The following ZNF268 variants were observed in gnomAD, a reference collection of about 807,000 sequenced individuals.
ZNF268 encodes zinc finger protein 3.
ZNF268 carries 20 observed loss-of-function variants against 29.3 expected under a neutral mutation model. The ratio of observed to expected loss-of-function variants is 0.68; its 90% CI spans 0.48 to 0.99. ZNF268 has a LOEUF of 0.99. Among genes scored for constraint, ZNF268 ranks in the 50% least tolerant of loss-of-function variants. The pLI is 0.00. For missense variants in ZNF268, 1,240 were observed against 1,121.6 expected (o/e 1.11, Z -1.51); for synonymous variants, 429 against 376.9 (o/e 1.14, Z -1.60).
chr12:133,190,775 T>TTTTTTCTTAGC (rs1390062030), intron 3 of ZNF268, among the ~76,000 whole-genome samples: 4 of 152,222 alleles, frequency 2.6e-5, no homozygotes, highest in Non-Finnish European at 5.9e-5. Flanking sequence ...ATCTGTGTTC[T>TTTTTTCTTAGC]TTTTTCTTAG....
rs1367303697 is a variant in ZNF268, at chr12:133,210,735, G to A, written c.*6205G>A. On this transcript the variant is annotated 3_prime_UTR_variant, in exon 6 of 6. Transcript: ENST00000536435. ...GTCCCCAGGTCAGTCCTGAGGAGAA[G>A]GCAGCTCAGTCTTTACTGTGATGCA... The A allele has an allele frequency of 4.6e-6, 2 of 432,690 alleles. No homozygotes were observed. The highest frequency in any genetic ancestry group is 2.4e-5 in the Admixed American group (1 of 41,448). 26.8% of individuals were successfully genotyped at this position (432,690 alleles called of 1,614,324 possible). A position where few individuals can be genotyped will look rare whatever the true frequency, so the allele number is the denominator to read the frequency against.
rs1313380888 is a variant in ZNF268, at chr12:133,214,127, T to C, written c.*9597T>C. 1 of 152,138 alleles carries C rather than the reference T, an allele frequency of 6.6e-6. No homozygotes were observed. The highest frequency in any genetic ancestry group is 1.5e-5 in the Non-Finnish European group (1 of 68,040). The allele number at this position is 152,138 out of a possible 1,614,324, so 9.4% of individuals were successfully genotyped here. A position where few individuals can be genotyped will look rare whatever the true frequency, so the allele number is the denominator to read the frequency against. ...CCCAATATCAAAATGGGCAGAGGAC[T>C]TGAAGAGACTTTTCTGTAAAGAAGA... On this transcript the variant is annotated 3_prime_UTR_variant, in exon 6 of 6. Coordinates refer to ENST00000536435, the MANE Select transcript of ZNF268 (RefSeq NM_003415.3).
Position 133,204,346 on chromosome 12 carries a change from C to T in ZNF268, c.2660C>T (p.Ser887Leu). ...CTCATTGTACATCAAAGAACTCATT[C>T]AGGAGAGAAACCCTATGGGTGCAAT... ...SQLIVHQRTH[S>L]GEKPYGCNEC... Residue 887 changes from serine (S) to leucine (L), a missense_variant, in exon 6 of 6, where the codon TCA (serine) becomes TTA (leucine). By Grantham distance (145) the Ser-to-Leu change is moderately radical. Transcript: ENST00000536435. 6.4e-7 allele frequency: 1 copy of T among 1,569,612 alleles called. No individual in the cohort carries two copies. The highest frequency in any genetic ancestry group is 8.6e-7 in the Non-Finnish European group (1 of 1,161,240).
chr12:133,212,554 C>CAT lies in ZNF268; in HGVS notation c.*8032_*8033dup, dbSNP rs956843717. 6 of 147,424 alleles carry CAT rather than the reference C, an allele frequency of 4.1e-5. No individual in the cohort carries two copies. The highest frequency in any genetic ancestry group is 2.0e-4 in the East Asian group (1 of 5,084). The allele number at this position is 147,424 out of a possible 1,614,324, so 9.1% of individuals were successfully genotyped here. A position where few individuals can be genotyped will look rare whatever the true frequency, so the allele number is the denominator to read the frequency against. ...ATACACATATATATACACATATACA[C>CAT]ATATATATACACATATATATAATAA... On this transcript the variant is annotated 3_prime_UTR_variant, in exon 6 of 6. Transcript: ENST00000536435.
chr12:133,198,386 T>G (rs1448460331), intron 5 of ZNF268, among the ~76,000 whole-genome samples: 2 of 150,864 alleles, frequency 1.3e-5, no homozygotes, highest in Non-Finnish European at 2.9e-5. Context: ...TCTGTTCCAT[T>G]GATCTATATC....
chr12:133,202,946 A>C lies in ZNF268; in HGVS notation c.1260A>C (p.Glu420Asp). ...GAGAGAAACCATATGAATGCAATGA[A>C]TGTCAGAAAGCCTTTAATACAAAGT... is the stretch of plus-strand genomic sequence containing the variant. ...HTGEKPYECN[E>D]CQKAFNTKSN... The change falls in exon 6 of 6, where the codon GAA becomes GAC. Residue 420 changes from glutamate to aspartate, a missense_variant. By Grantham distance (45) the Glu-to-Asp change is conservative. Coordinates refer to ENST00000536435, the MANE Select transcript of ZNF268 (RefSeq NM_003415.3). 2 of 1,545,460 alleles carry C rather than the reference A, an allele frequency of 1.3e-6. No homozygotes were observed. Among genetic ancestry groups the C allele is most frequent in the Non-Finnish European group, 1.7e-6 (2 of 1,149,902 alleles).
rs1213005056 is a variant in ZNF268 at position 133,203,716 on chromosome 12, T to A, written c.2030T>A (p.Phe677Tyr). 3 of 1,547,656 alleles carry A rather than the reference T, an allele frequency of 1.9e-6. No homozygotes were observed. The highest frequency in any genetic ancestry group is 2.6e-6 in the Non-Finnish European group (3 of 1,152,464). Residue 677 changes from phenylalanine to tyrosine, a missense_variant, in exon 6 of 6, where the codon TTT becomes TAT. Physicochemically the swap from Phe to Tyr is conservative, Grantham distance 22. Coordinates refer to ENST00000536435, the MANE Select transcript of ZNF268 (RefSeq NM_003415.3). Reference protein sequence around the residue: ...PYGCSQCAKTFSLKSQLIVHQ... With the variant: ...PYGCSQCAKTYSLKSQLIVHQ... ...GGATGCAGTCAATGTGCAAAAACCT[T>A]TAGTTTGAAGTCCCAGCTCATTGTA...
intron 2 of ZNF268, among the ~76,000 whole-genome samples, chr12:133,185,265 G>A (rs1424918859): frequency 2.0e-5 from 3 of 151,990 alleles, no homozygotes; most frequent in Non-Finnish European, 2.9e-5. Flanking sequence ...AGGAAGTGAC[G>A]TCTAAGCTAA....
intron 4 of ZNF268, 100 bp from the exon 5 acceptor site, chr12:133,191,808 G>C (rs960584890): frequency 2.0e-6 from 3 of 1,487,326 alleles, no homozygotes; most frequent in Non-Finnish European, 2.8e-6. Context: ...CAAAAAGGCA[G>C]CTTCATCATG....
chr12:133,205,158 A>AAAC lies in ZNF268; in HGVS notation c.*630_*631insCAA, dbSNP rs1956871516. On this transcript the variant is annotated 3_prime_UTR_variant, in exon 6 of 6. Transcript: ENST00000536435. ...AAGCTTCATTCTAAAAAAAAAAAAAAAAAAAAAAAAAAAAACCAACCTGTT... is the reference window on the plus strand; with the variant it reads ...AAGCTTCATTCTAAAAAAAAAAAAAAAACAAAAAAAAAAAAAAACCAACCTGTT... 1 of 138,988 alleles carries AAAC rather than the reference A, an allele frequency of 7.2e-6. No individual in the cohort carries two copies. Among genetic ancestry groups the AAAC allele is most frequent in the Non-Finnish European group, 1.6e-5 (1 of 64,054 alleles). The allele number at this position is 138,988 out of a possible 1,614,324, so 8.6% of individuals were successfully genotyped here.
At position 133,204,316 on chromosome 12, in the gene ZNF268, C is replaced by T. The variant is rs536275352; in HGVS notation, c.2630C>T (p.Ser877Phe). 41 of 1,561,082 alleles carry T rather than the reference C, an allele frequency of 2.6e-5. 1 individual carries two copies. The South Asian group carries it at 4.3e-4, about 16-fold the overall frequency. Residue 877 changes from serine to phenylalanine, a missense_variant, in exon 6 of 6, where the codon TCT becomes TTT. Physicochemically the swap from Ser to Phe is radical, Grantham distance 155. Coordinates refer to ENST00000536435, the MANE Select transcript of ZNF268 (RefSeq NM_003415.3). Reference sequence around the variant, plus strand: ...TGTGGAAAAGCCTTCATTAGGAATTCTCAACTCATTGTACATCAAAGAACT... The same window carrying T: ...TGTGGAAAAGCCTTCATTAGGAATTTTCAACTCATTGTACATCAAAGAACT... Reference protein sequence around the residue: ...SECGKAFIRNSQLIVHQRTHS... With the variant: ...SECGKAFIRNFQLIVHQRTHS...
chr12:133,185,330 G>A (rs185259808), intron 2 of ZNF268, among the ~76,000 whole-genome samples: 484 of 152,278 alleles, frequency 3.2e-3, no homozygotes, highest in Non-Finnish European at 5.0e-3. Context: ...AGAACATCCA[G>A]GATGGGAACA....
At chr12:133,181,923 C>G (rs567707898) in intron 1 of ZNF268, 23 bp from the exon 2 acceptor site, 1 of 1,515,050 alleles carries the variant, frequency 6.6e-7, no homozygotes, top group South Asian at 1.2e-5. Flanking sequence ...TGACCTCTTT[C>G]TTCACTGTGC....
rs1956940104 is a variant in ZNF268, at chr12:133,208,679, A to C, written c.*4149A>C. The C allele has an allele frequency of 6.6e-6, 1 of 152,204 alleles. No individual in the cohort carries two copies. The highest frequency in any genetic ancestry group is 2.4e-5 in the African/African-American group (1 of 41,418). The allele number at this position is 152,204 out of a possible 1,614,324, so 9.4% of individuals were successfully genotyped here. On this transcript the variant is annotated 3_prime_UTR_variant, in exon 6 of 6. Transcript: ENST00000536435. ...GTAAAAAACAAAGCAAAATTACAAG[A>C]ATGCGCATCACTTTTATGAAATGAG...
At chr12:133,195,203 G>C (rs928207180) in intron 5 of ZNF268, among the ~76,000 whole-genome samples, 1 of 152,072 alleles carries the variant, frequency 6.6e-6, no homozygotes, top group African/African-American at 2.4e-5. Context: ...TTCCTTTTCC[G>C]TCATCATCTG....
At chr12:133,191,085 G>C (rs913354534) in intron 3 of ZNF268, among the ~76,000 whole-genome samples, 4 of 152,100 alleles carry the variant, frequency 2.6e-5, no homozygotes, top group Non-Finnish European at 5.9e-5. Flanking sequence ...GGGAGGCCGA[G>C]ATGGGCAGAT....
chr12:133,202,160 T>G lies in ZNF268; in HGVS notation c.474T>G (p.Ile158Met). 1 of 1,583,200 alleles carries G rather than the reference T, an allele frequency of 6.3e-7. No homozygotes were observed. The highest frequency in any genetic ancestry group is 8.6e-7 in the Non-Finnish European group (1 of 1,165,230). ...CATTTCTAGACACAGTCTGGAAAATTGATGATCTTATGGATTGGCATCAGG... is the reference window on the plus strand; with the variant it reads ...CATTTCTAGACACAGTCTGGAAAATGGATGATCTTATGGATTGGCATCAGG... ...NQTCPNTVWK[I>M]DDLMDWHQEN... The change falls in exon 6 of 6, where the codon ATT becomes ATG. Residue 158 changes from isoleucine to methionine, a missense_variant. Ile to Met is a conservative substitution (Grantham distance 10, BLOSUM62 1). This residue lies in a region of ZNF268 where 1,177 missense variants were observed against 1,039.6 expected (regional missense o/e 1.13). Transcript: ENST00000536435.
rs1474911994 is a variant in ZNF268 at position 133,203,227 on chromosome 12, A to G, written c.1541A>G (p.Tyr514Cys). 6.5e-7 allele frequency: 1 copy of G among 1,538,012 alleles called. No individual in the cohort carries two copies. The highest frequency in any genetic ancestry group is 2.0e-5 in the Admixed American group (1 of 50,992). Reference sequence around the variant, plus strand: ...GGCAAAGCCTTCAGGAGCAAGTCATACCTTATTATACATACAAGGACTCAT... The same window carrying G: ...GGCAAAGCCTTCAGGAGCAAGTCATGCCTTATTATACATACAAGGACTCAT... ...ECGKAFRSKS[Y>C]LIIHTRTHTG... Residue 514 changes from tyrosine (Y) to cysteine (C), a missense_variant, in exon 6 of 6, where the codon TAC becomes TGC. Physicochemically the swap from Tyr to Cys is radical, Grantham distance 194. Transcript: ENST00000536435.
At chr12:133,199,520 G>A (rs528526225) in intron 5 of ZNF268, among the ~76,000 whole-genome samples, 44 of 151,440 alleles carry the variant, frequency 2.9e-4, no homozygotes, top group South Asian at 6.3e-4. Flanking sequence ...GTCTCTGCCC[G>A]GCTTTGGTAT....
Sources: allele counts gnomAD v4.1 joint callset (sites outside exome capture counted in the v4.1 genomes callset), GRCh38; gene constraint gnomAD v4.1.1; regional missense constraint gnomAD v4.1.1; transcripts MANE v1.5; gene names NCBI Gene and HGNC (gene_info 2026-07-23, HGNC 2026-07-21).